Variants in DNAL1 observed in about 807,000 individuals in gnomAD.
The protein encoded by DNAL1 is chromosome 14 open reading frame 168.
A neutral mutation model predicts 29.4 loss-of-function variants in DNAL1; 17 were observed. The ratio of observed to expected loss-of-function variants is 0.58; its 90% CI spans 0.40 to 0.87. The LOEUF is 0.87. Among genes scored for constraint, DNAL1 ranks in the 40% least tolerant of loss-of-function variants. The probability of loss-of-function intolerance (pLI) is 0.00; values close to 1 mark genes in which losing one functional copy is unlikely to be tolerated. For synonymous variants in DNAL1, 78 were observed against 76.3 expected, an observed-to-expected ratio of 1.02 and a Z score of -0.12; for missense variants, 188 against 214.1, an observed-to-expected ratio of 0.88 and a Z score of 0.76.
At chr14:73,671,782 G>A (rs994239569) in intron 5 of DNAL1, among the ~76,000 whole-genome samples, 185 bp downstream of exon 5, 4 of 152,140 alleles carry the variant, frequency 2.6e-5, no homozygotes, top group Admixed American at 6.6e-5. Context: ...CACCAGTAAC[G>A]TGTGAGGTTT....
chr14:73,650,107 C>T (rs1891080231), intron 1 of DNAL1, among the ~76,000 whole-genome samples: 1 of 152,124 alleles, frequency 6.6e-6, no homozygotes, highest in Non-Finnish European at 1.5e-5. Context: ...CCTCAGCCTC[C>T]TGAGTACCTA....
intron 6 of DNAL1, 93 bp downstream of exon 6, chr14:73,687,478 C>G: frequency 2.9e-6 from 4 of 1,362,134 alleles, no homozygotes; most frequent in Non-Finnish European, 3.8e-6. Flanking sequence ...ACGTTTATTT[C>G]TAAGCACAGA....
At chr14:73,688,997 T>C (rs1892090224) in intron 6 of DNAL1, among the ~76,000 whole-genome samples, 1 of 149,872 alleles carries the variant, frequency 6.7e-6, no homozygotes. Context: ...TGGAATTTAA[T>C]CCCCAAAATT....
intron 5 of DNAL1, 79 bp from the exon 6 acceptor site, chr14:73,687,180 A>G: frequency 6.4e-7 from 1 of 1,555,266 alleles, no homozygotes; most frequent in Non-Finnish European, 8.7e-7. Flanking sequence ...TTTGGAAGCC[A>G]TTATGTATAT....
chr14:73,691,996 CTTTTT>C (rs3041353), intron 7 of DNAL1, among the ~76,000 whole-genome samples: 4 of 113,652 alleles, frequency 3.5e-5, no homozygotes, highest in African/African-American at 3.8e-5. Flanking sequence ...TGTGCCCAGA[CTTTTT>C]TTTTTTTTTT....
intron 1 of DNAL1, among the ~76,000 whole-genome samples, chr14:73,647,576 C>T (rs564650448): frequency 6.6e-6 from 1 of 152,130 alleles, no homozygotes; most frequent in Non-Finnish European, 1.5e-5. Flanking sequence ...TCCCCAAGTC[C>T]CACCTGCTAA....
At chr14:73,668,351 T>G (rs992008943) in intron 4 of DNAL1, among the ~76,000 whole-genome samples, 4 of 152,200 alleles carry the variant, frequency 2.6e-5, no homozygotes, top group Non-Finnish European at 4.4e-5. Context: ...GGTCAGTAAC[T>G]TATGTGTTGA....
intron 3 of DNAL1, among the ~76,000 whole-genome samples, chr14:73,659,959 C>G (rs1247830602): frequency 6.6e-6 from 1 of 152,136 alleles, no homozygotes; most frequent in African/African-American, 2.4e-5. Flanking sequence ...TTGAGAAACT[C>G]TTTGTCACCC....
chr14:73,652,618 T>G (rs903883763), intron 1 of DNAL1, among the ~76,000 whole-genome samples: 5 of 152,160 alleles, frequency 3.3e-5, no homozygotes, highest in African/African-American at 1.2e-4. Flanking sequence ...TTTTGCTCAA[T>G]CAGGCTTGCC....
intron 5 of DNAL1, among the ~76,000 whole-genome samples, chr14:73,681,633 A>ATATATATATATAT (rs1397342699): frequency 1.1e-4 from 4 of 35,408 alleles, no homozygotes; most frequent in African/African-American, 6.5e-4. Flanking sequence ...AAAAAAAAAA[A>ATATATATATATAT]ATATATATAT....
chr14:73,662,079 C>T, intron 4 of DNAL1, 37 bp downstream of exon 4: 2 of 1,506,638 alleles, frequency 1.3e-6, no homozygotes, highest in Non-Finnish European at 1.8e-6. Context: ...TCATGGATTT[C>T]CTAGTTATTT....
rs1179937002 is a variant in DNAL1 at position 73,687,141 on chromosome 14, A to G, written c.265-118A>G. On this transcript the variant is annotated intron_variant, in intron 5 of 7. Transcript: ENST00000553645. The stretch of plus-strand genomic sequence containing the variant: ...CTCCCACACAACTACTAGCTCTTCT[A>G]CAAGTAGACAGGCAGGGTCTAAGTT... The G allele has an allele frequency of 5.5e-6, 7 of 1,270,232 alleles. No homozygotes were observed. The South Asian group carries it at 1.2e-4, about 22-fold the overall frequency. 78.7% of individuals were successfully genotyped at this position (1,270,232 alleles called of 1,614,324 possible).
At position 73,682,171 on chromosome 14, in the gene DNAL1, C is replaced by CTTTTT. The variant is rs755777316; in HGVS notation, c.265-5075_265-5071dup. Among the ~76,000 whole-genome samples the CTTTTT allele has an allele frequency of 1.7e-4, 22 of 129,586 alleles. 1 individual carries two copies. The highest frequency in any genetic ancestry group is 3.2e-4 in the Admixed American group (4 of 12,370). 85.0% of individuals were successfully genotyped at this position (129,586 alleles called of 152,430 possible). On this transcript the variant is annotated intron_variant, in intron 5 of 7. Transcript: ENST00000553645. The stretch of plus-strand genomic sequence containing the variant: ...AGAAATTAACCTTAGCTTACTGTAA[C>CTTTTT]TTTTTTTTTTTTTTTTTGAGATGGA...
chr14:73,655,495 C>T (rs535257237), intron 2 of DNAL1, among the ~76,000 whole-genome samples: 1 of 152,000 alleles, frequency 6.6e-6, no homozygotes, highest in African/African-American at 2.4e-5. Context: ...AGGCACGCGC[C>T]ACAATGCCCG....
chr14:73,687,555 T>C (rs901345536), intron 6 of DNAL1, among the ~76,000 whole-genome samples, 170 bp downstream of exon 6: 4 of 152,188 alleles, frequency 2.6e-5, no homozygotes, highest in African/African-American at 9.7e-5. Context: ...AAATTTTAAA[T>C]GCTTAACATT....
At chr14:73,646,906 C>A (rs1890988306) in intron 1 of DNAL1, among the ~76,000 whole-genome samples, 1 of 152,166 alleles carries the variant, frequency 6.6e-6, no homozygotes, top group Admixed American at 6.5e-5. Flanking sequence ...AACTAGCAGA[C>A]CTGGGTCCCT....
chr14:73,696,579 T>G lies in DNAL1; in HGVS notation c.*637T>G, dbSNP rs986662572. On this transcript the variant is annotated 3_prime_UTR_variant, in exon 8 of 8. Transcript: ENST00000553645. The stretch of plus-strand genomic sequence containing the variant: ...ACATTGTCAACTGGAATTTAGGTTG[T>G]TTTTATATGCATGGCCACTTGAGTC... The G allele has an allele frequency of 6.6e-6, 1 of 152,222 alleles. No homozygotes were observed. Among genetic ancestry groups the G allele is most frequent in the Non-Finnish European group, 1.5e-5 (1 of 68,040 alleles). 9.4% of individuals were successfully genotyped at this position (152,222 alleles called of 1,614,324 possible).
chr14:73,688,538 G>A (rs924137428), intron 6 of DNAL1, among the ~76,000 whole-genome samples: 2 of 152,150 alleles, frequency 1.3e-5, no homozygotes, highest in Non-Finnish European at 2.9e-5. Flanking sequence ...CATGAGAGTT[G>A]CTTTAACCCA....
At position 73,702,571 on chromosome 14, in the gene DNAL1, C is replaced by G. The variant is rs955939158; in HGVS notation, c.*6629C>G. 5.3e-5 allele frequency: 8 copies of G among 151,898 alleles called. No homozygotes were observed. Among genetic ancestry groups the G allele is most frequent in the African/African-American group, 1.2e-4 (5 of 41,348 alleles). The allele number at this position is 151,898 out of a possible 1,614,324, so 9.4% of individuals were successfully genotyped here. On this transcript the variant is annotated 3_prime_UTR_variant, in exon 8 of 8. Coordinates refer to ENST00000553645, the MANE Select transcript of DNAL1 (RefSeq NM_031427.4). Reference sequence around the variant, plus strand: ...CTGGAAAGAGTGCTTCCAGGGACAGCAAGTTACTACTGCACTTGACCATTC... The same window carrying G: ...CTGGAAAGAGTGCTTCCAGGGACAGGAAGTTACTACTGCACTTGACCATTC...
Sources: allele counts gnomAD v4.1 joint callset (sites outside exome capture counted in the v4.1 genomes callset), GRCh38; gene constraint gnomAD v4.1.1; transcripts MANE v1.5; gene names NCBI Gene and HGNC (gene_info 2026-07-23, HGNC 2026-07-21).